The following COL25A1 variants were observed in gnomAD, a reference collection of about 807,000 sequenced individuals.
COL25A1 encodes collagen type XXV alpha 1 chain.
COL25A1 carries 103 observed loss-of-function variants against 128.4 expected under a neutral mutation model. The ratio of observed to expected loss-of-function variants is 0.80; its 90% CI spans 0.68 to 0.94. COL25A1 has a LOEUF of 0.94. Among genes scored for constraint, COL25A1 ranks in the 40% least tolerant of loss-of-function variants. COL25A1 has a pLI of 0.00. For synonymous variants in COL25A1, 279 were observed against 277.2 expected, an observed-to-expected ratio of 1.01 and a Z score of -0.06; for missense variants, 745 against 840.0, an observed-to-expected ratio of 0.89 and a Z score of 1.40.
chr4:109,130,876 T>C (rs1158606394), intron 3 of COL25A1, among the ~76,000 whole-genome samples: 2 of 152,228 alleles, frequency 1.3e-5, no homozygotes, highest in Non-Finnish European at 2.9e-5. Flanking sequence ...TGCATATTAC[T>C]AAACCATTTG....
chr4:108,842,022 T>G (rs1257363095), intron 30 of COL25A1, among the ~76,000 whole-genome samples: 1 of 152,184 alleles, frequency 6.6e-6, no homozygotes, highest in Non-Finnish European at 1.5e-5. Context: ...TGAACTCAAA[T>G]TACCATTACA....
intron 31 of COL25A1, among the ~76,000 whole-genome samples, chr4:108,835,142 A>G (rs949770368): frequency 1.3e-5 from 2 of 152,254 alleles, no homozygotes; most frequent in African/African-American, 4.8e-5. Context: ...ATGTTCTCAG[A>G]CAATGCATGC....
intron 8 of COL25A1, among the ~76,000 whole-genome samples, chr4:108,949,686 A>T (rs1266278100): frequency 6.6e-6 from 1 of 151,638 alleles, no homozygotes; most frequent in African/African-American, 2.4e-5. Flanking sequence ...GGCGTGTGCC[A>T]CCACGCCTGC....
chr4:108,868,452 A>G (rs540785868), intron 20 of COL25A1, among the ~76,000 whole-genome samples: 2 of 151,972 alleles, frequency 1.3e-5, no homozygotes, highest in African/African-American at 2.4e-5. Flanking sequence ...GACTAAAAAT[A>G]TATGACAAAG....
intron 13 of COL25A1, among the ~76,000 whole-genome samples, chr4:108,903,957 A>C (rs982447791): frequency 4.6e-5 from 7 of 152,130 alleles, no homozygotes; most frequent in African/African-American, 1.7e-4. Context: ...TTTACAGCTG[A>C]AAAGTGAATA....
At chr4:109,130,002 TAAAA>T (rs35187548) in intron 3 of COL25A1, among the ~76,000 whole-genome samples, 2 of 138,714 alleles carry the variant, frequency 1.4e-5, no homozygotes, top group Admixed American at 7.3e-5. Flanking sequence ...AAAGTATAAT[TAAAA>T]AAAAAAAAAA....
intron 3 of COL25A1, among the ~76,000 whole-genome samples, chr4:109,128,899 C>T (rs547564262): frequency 1.3e-5 from 2 of 152,232 alleles, no homozygotes; most frequent in Admixed American, 6.5e-5. Context: ...GTATGAAGCA[C>T]GTTGTGTTAT....
At chr4:109,037,200 A>G (rs1759437902) in intron 5 of COL25A1, among the ~76,000 whole-genome samples, 1 of 152,220 alleles carries the variant, frequency 6.6e-6, no homozygotes, top group African/African-American at 2.4e-5. Context: ...TGTAGTTTCC[A>G]GATTGGGTTT....
chr4:109,185,838 C>T (rs1775082257), intron 3 of COL25A1, among the ~76,000 whole-genome samples: 1 of 152,150 alleles, frequency 6.6e-6, no homozygotes, highest in Non-Finnish European at 1.5e-5. Flanking sequence ...CACCAGAGCA[C>T]ACAGCAAGAA....
chr4:108,874,934 A>G (rs1168971530), intron 19 of COL25A1, among the ~76,000 whole-genome samples: 1 of 152,144 alleles, frequency 6.6e-6, no homozygotes, highest in Non-Finnish European at 1.5e-5. Context: ...GATATTCCAC[A>G]TTCTCCATCT....
chr4:108,974,541 CT>C lies in COL25A1; in HGVS notation c.456del (p.Gly153AlafsTer34). 1.2e-6 allele frequency: 2 copies of C among 1,607,098 alleles called. No individual in the cohort carries two copies. ...QPGPQGPPGP[K>X]GDKGEQGDQG... ...GGTATGCATTTTCTTACCTTATCGC[CT>C]TTTGGACCAGGAGGGCCCTGAAAAA... On this transcript the variant is annotated frameshift_variant, in exon 7 of 38. Transcript: ENST00000399132. LOFTEE classifies it high-confidence loss of function.
intron 3 of COL25A1, among the ~76,000 whole-genome samples, chr4:109,250,237 C>T (rs1780554445): frequency 6.6e-6 from 1 of 151,854 alleles, no homozygotes; most frequent in South Asian, 2.1e-4. Flanking sequence ...TGAATTGTCT[C>T]CAAGATATAT....
chr4:109,092,552 C>A (rs1197636814), intron 3 of COL25A1, among the ~76,000 whole-genome samples: 1 of 152,316 alleles, frequency 6.6e-6, no homozygotes, highest in African/African-American at 2.4e-5. Flanking sequence ...AATAAACTTC[C>A]TCTGGGGCAA....
At chr4:108,948,273 G>A (rs1452547215) in intron 8 of COL25A1, among the ~76,000 whole-genome samples, 1 of 152,068 alleles carries the variant, frequency 6.6e-6, no homozygotes, top group African/African-American at 2.4e-5. Context: ...TGTCTGAATA[G>A]AAAAATCAAC....
chr4:108,874,778 G>T (rs1560788140), intron 19 of COL25A1, among the ~76,000 whole-genome samples: 1 of 152,118 alleles, frequency 6.6e-6, no homozygotes, highest in Non-Finnish European at 1.5e-5. Flanking sequence ...GAAAGACAAA[G>T]ACTTAAACCT....
Position 108,859,656 on chromosome 4 carries a change from C to T in COL25A1, c.1320G>A (p.Gln440=), listed in dbSNP as rs1228794417. The T allele has an allele frequency of 9.9e-6, 16 of 1,613,208 alleles. No individual in the cohort carries two copies. Among genetic ancestry groups the T allele is most frequent in the Non-Finnish European group, 1.2e-5 (14 of 1,179,688 alleles). ...DYNGNLHEAL[Q]RITTLTVTGP... Reference sequence around the variant, plus strand: ...GTCAGGGCAGGGACCAGTCACTTGCCTGTAAGGCTTCGTGGAGGTTGCCGT... The same window carrying T: ...GTCAGGGCAGGGACCAGTCACTTGCTTGTAAGGCTTCGTGGAGGTTGCCGT... The change falls in exon 24 of 38, where the codon CAG becomes CAA. Residue 440 remains glutamine, a splice_region_variant and synonymous_variant. Coordinates refer to ENST00000399132, the MANE Select transcript of COL25A1 (RefSeq NM_198721.4).
intron 3 of COL25A1, among the ~76,000 whole-genome samples, chr4:109,284,361 G>T (rs1181414794): frequency 6.6e-6 from 1 of 152,206 alleles, no homozygotes; most frequent in East Asian, 1.9e-4. Context: ...GAAGGTAGAG[G>T]TTGCAGTGAG....
intron 3 of COL25A1, among the ~76,000 whole-genome samples, chr4:109,084,027 T>C (rs1764132498): frequency 6.6e-6 from 1 of 152,058 alleles, no homozygotes; most frequent in Non-Finnish European, 1.5e-5. Context: ...AATAATCCAC[T>C]ACACAAGACT....
At chr4:108,943,596 T>C (rs1748389587) in intron 8 of COL25A1, among the ~76,000 whole-genome samples, 1 of 152,108 alleles carries the variant, frequency 6.6e-6, no homozygotes, top group Non-Finnish European at 1.5e-5. Context: ...ACATAACTTT[T>C]CCAAAAGAAC....
Sources: allele counts gnomAD v4.1 joint callset (sites outside exome capture counted in the v4.1 genomes callset), GRCh38; gene constraint gnomAD v4.1.1; transcripts MANE v1.5; gene names NCBI Gene and HGNC (gene_info 2026-07-23, HGNC 2026-07-21).